Variants in PKHD1L1 observed in about 807,000 individuals in gnomAD.
PKHD1L1 encodes PKHD1 like 1.
Under a neutral mutation model 462.9 loss-of-function variants are expected in PKHD1L1, and 434 were observed. The observed-to-expected ratio is 0.94, with a 90% CI of 0.87 to 1.02. The LOEUF (loss-of-function observed/expected upper bound fraction) is 1.02, where lower values mean the gene tolerates loss of function less well. PKHD1L1 is among the 50% of genes least tolerant of loss of function. The pLI is 0.00. For synonymous variants in PKHD1L1, 1,781 were observed against 1,750.0 expected (o/e 1.02, Z -0.44); for missense variants, 5,202 against 5,096.1 (o/e 1.02, Z -0.63).
In PKHD1L1 at chr8:109,445,236, A is replaced by G. The variant is rs754293888; in HGVS notation, c.5367A>G (p.Arg1789=). 6.2e-7 allele frequency: 1 copy of G among 1,613,986 alleles called. No individual in the cohort carries two copies. The highest frequency in any genetic ancestry group is 8.5e-7 in the Non-Finnish European group (1 of 1,179,890). Residue 1789 remains arginine (R), a synonymous_variant, in exon 38 of 78, where the codon AGA becomes AGG. Coordinates refer to ENST00000378402, the MANE Select transcript of PKHD1L1 (RefSeq NM_177531.6). ...IAVFIGNQQF[R]AIEVNENNIT... ...TTTTCATTGGAAATCAACAGTTCAG[A>G]GCAATAGAGGTTAATGAAAACAACA...
At chr8:109,458,414 C>G (rs1816935787) in intron 46 of PKHD1L1, among the ~76,000 whole-genome samples, 1 of 111,520 alleles carries the variant, frequency 9.0e-6, no homozygotes, top group Non-Finnish European at 2.0e-5. Context: ...TTCAATCAAT[C>G]AAAACCGTTA....
Position 109,430,104 on chromosome 8 carries a change from T to A in PKHD1L1, c.3229+67T>A, listed in dbSNP as rs1447549658. On this transcript the variant is annotated intron_variant, in intron 27 of 77. Transcript: ENST00000378402. Reference sequence around the variant, plus strand: ...ATCAGCAAAATGTAAACTCTGATAATGACTTTTAAAACTATGTTTCTACTA... The same window carrying A: ...ATCAGCAAAATGTAAACTCTGATAAAGACTTTTAAAACTATGTTTCTACTA... The A allele has an allele frequency of 1.2e-5, 12 of 1,020,424 alleles. No individual in the cohort carries two copies. The East Asian group carries it at 2.8e-4, about 24-fold the overall frequency. The allele number at this position is 1,020,424 out of a possible 1,614,324, so 63.2% of individuals were successfully genotyped here. A position where few individuals can be genotyped will look rare whatever the true frequency, so the allele number is the denominator to read the frequency against.
At chr8:109,495,093 A>AT (rs555989353) in intron 63 of PKHD1L1, among the ~76,000 whole-genome samples, 5 of 151,778 alleles carry the variant, frequency 3.3e-5, no homozygotes, top group South Asian at 4.2e-4. Context: ...TTGAATCAGC[A>AT]TTTTTTTTCT....
At chr8:109,449,000 G>A (rs1475336217) in intron 39 of PKHD1L1, among the ~76,000 whole-genome samples, 2 of 151,982 alleles carry the variant, frequency 1.3e-5, no homozygotes, top group African/African-American at 4.8e-5. Flanking sequence ...CCTTGAGAAA[G>A]TATAAATAAA....
Position 109,523,414 on chromosome 8 carries a change from T to C in PKHD1L1, c.12484+28T>C, listed in dbSNP as rs773393724. 4 of 1,568,248 alleles carry C rather than the reference T, an allele frequency of 2.6e-6. No homozygotes were observed. In the East Asian group the frequency reaches 9.0e-5, roughly 35 times the overall value. ...GGGTGCACTATTTTGGATCCTCACA[T>C]ATATAGCCATAAATAGAGACAATTA... On this transcript the variant is annotated intron_variant, in intron 76 of 77. Transcript: ENST00000378402.
rs1814333573 is a variant in PKHD1L1 at position 109,419,134 on chromosome 8, AGAAC to A, written c.2402_2405del (p.Thr801AsnfsTer27). On this transcript the variant is annotated frameshift_variant, in exon 22 of 78. Transcript: ENST00000378402. LOFTEE classifies it high-confidence loss of function. ...TTGCATAGACCTTCTGGATCTCGTA[AGAAC>A]GAAATACACTGGGACAAATGTTTCT... 6.2e-7 allele frequency: 1 copy of A among 1,613,508 alleles called. No homozygotes were observed.
chr8:109,464,339 G>T lies in PKHD1L1; in HGVS notation c.7507G>T (p.Val2503Phe). ...CAIHQAYNRA[V>F]TIHNTHHLLV... Reference sequence around the variant, plus strand: ...AATTCACCAGGCCTATAACAGAGCTGTTACTATTCATAACACACACCATCT... The same window carrying T: ...AATTCACCAGGCCTATAACAGAGCTTTTACTATTCATAACACACACCATCT... Residue 2503 changes from valine to phenylalanine, a missense_variant, in exon 49 of 78, where the codon GTT becomes TTT. Around this residue, in one of 3 missense-constraint regions of PKHD1L1, gnomAD observed 4,497 missense variants for 4,336.8 expected, o/e 1.04. Transcript: ENST00000378402. The T allele has an allele frequency of 6.2e-7, 1 of 1,613,250 alleles. No individual in the cohort carries two copies. The highest frequency in any genetic ancestry group is 1.1e-5 in the South Asian group (1 of 91,026).
chr8:109,396,154 T>G lies in PKHD1L1; in HGVS notation c.922+17T>G. On this transcript the variant is annotated intron_variant, in intron 11 of 77. Coordinates refer to ENST00000378402, the MANE Select transcript of PKHD1L1 (RefSeq NM_177531.6). ...TAGTTGGAGGTATTTCTCATGGTTT[T>G]TGATATATTACTTTATTACCACAAA... 6.5e-7 allele frequency: 1 copy of G among 1,549,756 alleles called. No homozygotes were observed. The highest frequency in any genetic ancestry group is 1.2e-5 in the South Asian group (1 of 85,638).
chr8:109,481,634 T>C (rs1355025591), intron 56 of PKHD1L1, 72 bp downstream of exon 56: 1 of 1,292,124 alleles, frequency 7.7e-7, no homozygotes. Flanking sequence ...GGCACTAAAG[T>C]ACATATCAGT....
chr8:109,433,940 G>C (rs950546242), intron 28 of PKHD1L1, among the ~76,000 whole-genome samples: 15 of 152,106 alleles, frequency 9.9e-5, no homozygotes, highest in African/African-American at 3.1e-4. Context: ...CAATAAAAAA[G>C]GATGAGTTCA....
chr8:109,429,399 A>C lies in PKHD1L1; in HGVS notation c.3060A>C (p.Glu1020Asp). The C allele has an allele frequency of 6.3e-7, 1 of 1,592,546 alleles. No homozygotes were observed. The highest frequency in any genetic ancestry group is 8.6e-7 in the Non-Finnish European group (1 of 1,164,518). ...ATATGACAGTTACAAGGATAAAGGA[A>C]GGTGGCTTATTCAGACAACATGTAC... Reference protein sequence around the residue: ...KANMTVTRIKEGGLFRQHVLG... With the variant: ...KANMTVTRIKDGGLFRQHVLG... The change falls in exon 26 of 78, where the codon GAA becomes GAC. Residue 1020 changes from glutamate to aspartate, a missense_variant. Around this residue, in one of 3 missense-constraint regions of PKHD1L1, gnomAD observed 4,497 missense variants for 4,336.8 expected, o/e 1.04. Transcript: ENST00000378402.
rs1275236211 is a variant in PKHD1L1 at position 109,451,160 on chromosome 8, C to T, written c.6350+11C>T. 1.9e-6 allele frequency: 3 copies of T among 1,588,426 alleles called. No individual in the cohort carries two copies. Among genetic ancestry groups the T allele is most frequent in the Non-Finnish European group, 2.6e-6 (3 of 1,163,932 alleles). Reference sequence around the variant, plus strand: ...GGGATCAGGATTCAGGTACTGTCTCCACACAAACACGCATCATTGTGCATT... The same window carrying T: ...GGGATCAGGATTCAGGTACTGTCTCTACACAAACACGCATCATTGTGCATT... On this transcript the variant is annotated intron_variant, in intron 41 of 77. Transcript: ENST00000378402.
chr8:109,447,758 A>T (rs1816233475), intron 38 of PKHD1L1, among the ~76,000 whole-genome samples: 1 of 152,246 alleles, frequency 6.6e-6, no homozygotes, highest in Admixed American at 6.5e-5. Flanking sequence ...GGAAGCTACC[A>T]AAAATAAAGA....
intron 38 of PKHD1L1, 68 bp from the exon 39 acceptor site, chr8:109,448,075 T>C (rs1816253379): frequency 7.5e-7 from 1 of 1,335,842 alleles, no homozygotes; most frequent in African/African-American, 1.5e-5. Flanking sequence ...AGTAAAGAGG[T>C]ATATCTTTAA....
intron 67 of PKHD1L1, among the ~76,000 whole-genome samples, chr8:109,499,942 C>A (rs1433650163): frequency 6.6e-6 from 1 of 152,160 alleles, no homozygotes; most frequent in Non-Finnish European, 1.5e-5. Flanking sequence ...TCATTTGTAT[C>A]CCCATGTTAG....
intron 15 of PKHD1L1, 78 bp from the exon 16 acceptor site, chr8:109,404,917 A>G (rs754901973): frequency 6.9e-6 from 8 of 1,158,782 alleles, no homozygotes; most frequent in Non-Finnish European, 9.4e-6. Context: ...ATAAAGTGGC[A>G]TTGAATAGCT....
intron 39 of PKHD1L1, 126 bp downstream of exon 39, chr8:109,448,517 GT>G (rs375857031): frequency 0.23 from 204,564 of 906,802 alleles, 9,191 homozygotes; most frequent in African/African-American, 0.42. Flanking sequence ...TGTTTGTTTG[GT>G]TTTTTTTTTT....
chr8:109,387,102 TA>T (rs1275220775), intron 6 of PKHD1L1, among the ~76,000 whole-genome samples: 2 of 152,164 alleles, frequency 1.3e-5, no homozygotes, highest in Non-Finnish European at 2.9e-5. Flanking sequence ...GGCAATTTAT[TA>T]TGCCTGGATT....
intron 14 of PKHD1L1, among the ~76,000 whole-genome samples, chr8:109,402,996 G>A (rs1438780387): frequency 2.0e-5 from 3 of 152,122 alleles, no homozygotes; most frequent in Non-Finnish European, 4.4e-5. Flanking sequence ...CAAGATAAAT[G>A]GAGTTCTTGA....
Sources: allele counts gnomAD v4.1 joint callset (sites outside exome capture counted in the v4.1 genomes callset), GRCh38; gene constraint gnomAD v4.1.1; regional missense constraint gnomAD v4.1.1; transcripts MANE v1.5; gene names NCBI Gene and HGNC (gene_info 2026-07-23, HGNC 2026-07-21).